The following GNL3L variants were observed in gnomAD, a reference collection of about 807,000 sequenced individuals.
GNL3L encodes the protein guanine nucleotide-binding protein-like 3-like protein.
GNL3L carries 4 observed loss-of-function variants against 42.9 expected under a neutral mutation model. That is an observed-to-expected ratio of 0.09 (90% CI 0.05 to 0.21). The LOEUF is 0.21. Ranked by LOEUF, GNL3L falls within the 10% of genes least tolerant of loss-of-function variation. The pLI is 1.00. For missense variants in GNL3L, 412 were observed against 481.7 expected, an observed-to-expected ratio of 0.86 and a Z score of 1.36; for synonymous variants, 159 against 176.3, an observed-to-expected ratio of 0.90 and a Z score of 0.78.
the GNL3L span, among the ~76,000 whole-genome samples, chrX:54,635,556 T>A: frequency 8.4e-4 from 93 of 111,297 alleles, no homozygotes; most frequent in African/African-American, 2.7e-3. Flanking sequence ...TTCTCCTTTT[T>A]CCTCTGAGTT....
In GNL3L at chrX:54,542,907, T is replaced by C. The variant is rs1371283957; in HGVS notation, c.307-48T>C. 3 of 801,190 alleles carry C rather than the reference T, an allele frequency of 3.7e-6. No individual in the cohort carries two copies. In the South Asian group the frequency reaches 6.4e-5, roughly 17 times the overall value. 66.0% of individuals were successfully genotyped at this position (801,190 alleles called of 1,213,427 possible). ...AAAAAGCCCTGCTTCTCTTTCTCGCTCTCTCCCCCTCCTCCCCTGGACCAT... is the reference window on the plus strand; with the variant it reads ...AAAAAGCCCTGCTTCTCTTTCTCGCCCTCTCCCCCTCCTCCCCTGGACCAT... On this transcript the variant is annotated intron_variant, in intron 5 of 15. Transcript: ENST00000360845.
Position 54,564,915 on chromosome X carries a change from G to A in GNL3L, c.*4313G>A, listed in dbSNP as rs949323126. Among the ~76,000 whole-genome samples, 1 of 106,016 alleles carries A rather than the reference G, an allele frequency of 9.4e-6. No individual in the cohort carries two copies. Among genetic ancestry groups the A allele is most frequent in the African/African-American group, 3.5e-5 (1 of 28,956 alleles). 92.1% of individuals were successfully genotyped at this position (106,016 alleles called of 115,157 possible). On this transcript the variant is annotated 3_prime_UTR_variant, in exon 16 of 16. Coordinates refer to ENST00000360845, the MANE Select transcript of GNL3L (RefSeq NM_001184819.2). ...TGCTGGGCTAATTTTTGTATTTTTA[G>A]TAGAGGCGGGGGTTTCTCCACACTG...
Position 54,572,749 on chromosome X carries a change from C to G in GNL3L, c.*45+12102C>G, listed in dbSNP as rs1195755840. 5.5e-4 allele frequency among the ~76,000 whole-genome samples: 61 copies of G among 110,556 alleles called. No individual in the cohort carries two copies. The Admixed American group carries it at 5.6e-3, about 10-fold the overall frequency. Reference sequence around the variant, plus strand: ...GCGGAGATGCTCCTCACTTCCCAGACGGGGTGGCTGCCGGGCGGAGAGGCT... The same window carrying G: ...GCGGAGATGCTCCTCACTTCCCAGAGGGGGTGGCTGCCGGGCGGAGAGGCT... On this transcript the variant is annotated intron_variant, in intron 16 of 16. Transcript: ENST00000674498.
At chrX:54,607,074 CTTTCTTTCTT>C (rs1926095768) in intron 16 of GNL3L, among the ~76,000 whole-genome samples, 1 of 22,229 alleles carries the variant, frequency 4.5e-5, no homozygotes, top group African/African-American at 3.4e-4. Flanking sequence ...CTTTCTTTCT[CTTTCTTTCTT>C]CTTTCTTTCT....
chrX:54,643,394 A>G, the GNL3L span, among the ~76,000 whole-genome samples: 1 of 111,145 alleles, frequency 9.0e-6, no homozygotes, highest in Non-Finnish European at 1.9e-5. Context: ...TTAAACTTAT[A>G]TGGTTAGGTT....
Position 54,544,619 on chromosome X carries a change from G to A in GNL3L, c.630+293G>A, listed in dbSNP as rs751567084. ...AAAGTAGCTGGGATTACATGCACGC[G>A]TCACCATGCCCTGCTAATTTTTGTA... On this transcript the variant is annotated intron_variant, in intron 8 of 15. Transcript: ENST00000360845. Among the ~76,000 whole-genome samples the A allele has an allele frequency of 3.7e-5, 4 of 109,418 alleles. No homozygotes were observed. The South Asian group carries it at 1.6e-3, about 44-fold the overall frequency.
At chrX:54,587,166 T>G (rs1925794683) in intron 16 of GNL3L, among the ~76,000 whole-genome samples, 1 of 112,032 alleles carries the variant, frequency 8.9e-6, no homozygotes, top group African/African-American at 3.2e-5. Flanking sequence ...CTGGACACAC[T>G]AACACTAGTG....
chrX:54,588,243 A>G (rs995581576), intron 16 of GNL3L, among the ~76,000 whole-genome samples: 3 of 111,936 alleles, frequency 2.7e-5, no homozygotes, highest in Non-Finnish European at 5.6e-5. Flanking sequence ...TTCCAGTACA[A>G]TGTTGAATAG....
rs1188989125 is a variant in GNL3L, at chrX:54,543,201, C to T, written c.391-6C>T. 4.1e-6 allele frequency: 5 copies of T among 1,207,834 alleles called. No individual in the cohort carries two copies. In the African/African-American group the frequency reaches 7.0e-5, roughly 17 times the overall value. Reference sequence around the variant, plus strand: ...TGCCCTCATCTCCTGGTCCTCTGCCCTGCAGGTGGTGGAATACTCTGATGT... The same window carrying T: ...TGCCCTCATCTCCTGGTCCTCTGCCTTGCAGGTGGTGGAATACTCTGATGT... On this transcript the variant is annotated splice_polypyrimidine_tract_variant and splice_region_variant and intron_variant, in intron 6 of 15. Transcript: ENST00000360845.
At chrX:54,586,341 C>T (rs1461353707) in intron 16 of GNL3L, among the ~76,000 whole-genome samples, 1 of 110,954 alleles carries the variant, frequency 9.0e-6, no homozygotes, top group Non-Finnish European at 1.9e-5. Context: ...GTTATTGCTC[C>T]AGAGGAAGCA....
At chrX:54,626,906 T>C in the GNL3L span, among the ~76,000 whole-genome samples, 995 of 112,030 alleles carry the variant, frequency 8.9e-3, 10 homozygotes, top group African/African-American at 0.03. Context: ...TTGTATATTC[T>C]GAATTTTCAT....
chrX:54,622,520 G>A (rs947556612), downstream of GNL3L, among the ~76,000 whole-genome samples: 2 of 109,278 alleles, frequency 1.8e-5, no homozygotes, highest in African/African-American at 6.7e-5. Flanking sequence ...CCTGACCTCA[G>A]GTGATCCGCC....
intron 8 of GNL3L, among the ~76,000 whole-genome samples, chrX:54,545,111 T>A (rs1924734158): frequency 8.9e-6 from 1 of 112,104 alleles, no homozygotes; most frequent in Non-Finnish European, 1.9e-5. Context: ...ACACGGGGTT[T>A]CGCCGTGTTG....
intron 8 of GNL3L, among the ~76,000 whole-genome samples, chrX:54,545,616 A>T (rs1924748417): frequency 8.9e-6 from 1 of 112,271 alleles, no homozygotes; most frequent in African/African-American, 3.2e-5. Flanking sequence ...TATGGTTTGT[A>T]AAATATTAAT....
At chrX:54,628,152 C>T in the GNL3L span, among the ~76,000 whole-genome samples, 2 of 109,976 alleles carry the variant, frequency 1.8e-5, no homozygotes, top group Non-Finnish European at 3.8e-5. Flanking sequence ...TCTCCAACTC[C>T]GTCCAGGTTG....
intron 16 of GNL3L, among the ~76,000 whole-genome samples, chrX:54,606,642 A>ATT (rs61119934): frequency 2.0e-5 from 2 of 98,330 alleles, no homozygotes. Flanking sequence ...TGCCAGGCCA[A>ATT]TTTTTTTTTT....
downstream of GNL3L, among the ~76,000 whole-genome samples, chrX:54,572,072 A>G (rs974448016): frequency 6.6e-4 from 71 of 107,864 alleles, 1 homozygote; most frequent in African/African-American, 2.4e-3. Context: ...TGGCAGGGTC[A>G]TAGGACAATA....
chrX:54,547,199 G>A (rs1048909552), intron 8 of GNL3L, among the ~76,000 whole-genome samples: 7 of 108,080 alleles, frequency 6.5e-5, no homozygotes, highest in African/African-American at 1.0e-4. Context: ...GTTTTGCCAC[G>A]TTGGCCAGGC....
At chrX:54,619,549 T>G (rs1259816241) in intron 16 of GNL3L, among the ~76,000 whole-genome samples, 2 of 110,338 alleles carry the variant, frequency 1.8e-5, no homozygotes, top group African/African-American at 6.6e-5. Context: ...AAAGACAAGG[T>G]CTCACTGTAT....
Sources: gnomAD v4.1 joint callset for allele counts (sites outside exome capture counted in the v4.1 genomes callset) on GRCh38, gnomAD v4.1.1 for gene constraint, MANE v1.5 for transcripts, NCBI Gene and HGNC (gene_info 2026-07-23, HGNC 2026-07-21) for gene names.